The following TBC1D5 variants were observed in gnomAD, a reference collection of about 807,000 sequenced individuals.
TBC1D5 encodes TBC1 domain family, member 5.
TBC1D5 carries 75 observed loss-of-function variants against 100.3 expected under a neutral mutation model. The ratio of observed to expected loss-of-function variants is 0.75; its 90% CI spans 0.62 to 0.91. The LOEUF is 0.91. Ranked by LOEUF, TBC1D5 falls within the 40% of genes least tolerant of loss-of-function variation. The pLI, the probability that TBC1D5 is intolerant of heterozygous loss-of-function variation, is 0.00. For synonymous variants in TBC1D5, 323 were observed against 325.6 expected, an observed-to-expected ratio of 0.99 and a Z score of 0.09; for missense variants, 910 against 942.4, an observed-to-expected ratio of 0.97 and a Z score of 0.45.
chr3:17,225,546 A>G (rs558592191), intron 17 of TBC1D5, among the ~76,000 whole-genome samples: 2 of 152,212 alleles, frequency 1.3e-5, no homozygotes, highest in Non-Finnish European at 2.9e-5. Context: ...TCCCACCTGT[A>G]ATTTCAGCAC....
intron 1 of TBC1D5, among the ~76,000 whole-genome samples, chr3:17,701,082 AATGTCCATCAATGATGGACTGG>A (rs1212079489): frequency 1.2e-4 from 18 of 152,288 alleles, no homozygotes; most frequent in African/African-American, 4.1e-4. Context: ...AACCAACCCA[AATGTCCATCAATGATGGACTGG>A]ATTAAGAAAA....
intron 1 of TBC1D5, among the ~76,000 whole-genome samples, chr3:17,693,996 G>C (rs1358284003): frequency 6.6e-6 from 1 of 152,182 alleles, no homozygotes; most frequent in Non-Finnish European, 1.5e-5. Flanking sequence ...ACCTGCAGCT[G>C]AGGGACCTGA....
intron 1 of TBC1D5, among the ~76,000 whole-genome samples, chr3:17,671,519 G>A (rs981031417): frequency 6.6e-6 from 1 of 152,124 alleles, no homozygotes; most frequent in African/African-American, 2.4e-5. Context: ...AAAAAAAGGT[G>A]GAAAAGTTAA....
At chr3:17,705,932 C>T (rs1045174024) in intron 1 of TBC1D5, 20 of 1,138,796 alleles carry the variant, frequency 1.8e-5, no homozygotes, top group South Asian at 1.6e-4. Context: ...GGGGCCCGTC[C>T]GCTCCTCCAG....
At chr3:17,566,963 A>G (rs919202699) in intron 2 of TBC1D5, among the ~76,000 whole-genome samples, 1 of 151,814 alleles carries the variant, frequency 6.6e-6, no homozygotes, top group Non-Finnish European at 1.5e-5. Context: ...TTTGATATAC[A>G]TAACTAAATC....
intron 1 of TBC1D5, chr3:17,672,640 TGAAAA>T (rs1255629490): frequency 6.6e-6 from 1 of 152,210 alleles, no homozygotes; most frequent in African/African-American, 2.4e-5. Context: ...GGACATCTGT[TGAAAA>T]GAAAAGCATG....
intron 2 of TBC1D5, among the ~76,000 whole-genome samples, chr3:17,534,029 A>T (rs2096259998): frequency 6.6e-6 from 1 of 152,166 alleles, no homozygotes; most frequent in African/African-American, 2.4e-5. Flanking sequence ...GATGTTTTCT[A>T]TAGCAATGAC....
intron 1 of TBC1D5, among the ~76,000 whole-genome samples, chr3:17,678,106 T>G (rs1407154159): frequency 6.6e-6 from 1 of 152,188 alleles, no homozygotes; most frequent in Non-Finnish European, 1.5e-5. Context: ...AACCTGCACG[T>G]TGTGCACATG....
exon 22 of TBC1D5, chr3:17,161,161 G>A (rs1486892275): frequency 5.6e-6 from 9 of 1,614,216 alleles, no homozygotes; most frequent in Non-Finnish European, 4.2e-6. Context: ...GGCCGGAGAA[G>A]GAGCCCCTGG....
chr3:17,554,413 G>A (rs1360589385), intron 2 of TBC1D5, among the ~76,000 whole-genome samples: 4 of 152,222 alleles, frequency 2.6e-5, no homozygotes, highest in Non-Finnish European at 5.9e-5. Flanking sequence ...CTCCTGGGGT[G>A]AAGCTGGTAC....
intron 1 of TBC1D5, among the ~76,000 whole-genome samples, chr3:17,642,101 G>C (rs1267719964): frequency 6.6e-6 from 1 of 152,048 alleles, no homozygotes; most frequent in Non-Finnish European, 1.5e-5. Flanking sequence ...CATCAATTTG[G>C]TTAATAATCT....
In TBC1D5 at chr3:17,668,307, T is replaced by C. The variant is rs926140017; in HGVS notation, c.-100-44394A>G. 4.6e-5 allele frequency among the ~76,000 whole-genome samples: 7 copies of C among 151,922 alleles called. No individual in the cohort carries two copies. In the South Asian group the frequency reaches 1.5e-3, roughly 32 times the overall value. Reference sequence around the variant, plus strand: ...CAGGGAGGGAAGAAAAGTGTTTCAATAAACATTTCCATAACTTAATACCCG... The same window carrying C: ...CAGGGAGGGAAGAAAAGTGTTTCAACAAACATTTCCATAACTTAATACCCG... On this transcript the variant is annotated intron_variant, in intron 1 of 21. Transcript: ENST00000253692.
At chr3:17,598,448 A>C (rs577711127) in intron 2 of TBC1D5, among the ~76,000 whole-genome samples, 1 of 152,210 alleles carries the variant, frequency 6.6e-6, no homozygotes, top group African/African-American at 2.4e-5. Context: ...CTAAATTCTC[A>C]GTTCCAGACT....
chr3:17,273,604 C>T (rs572454780), intron 15 of TBC1D5, among the ~76,000 whole-genome samples: 14 of 152,068 alleles, frequency 9.2e-5, no homozygotes, highest in East Asian at 5.8e-4. Context: ...GTCAGGTGTT[C>T]GAGACCAGCC....
chr3:17,361,256 ATTGGGTAAGAATACTGGATGT>A (rs1171376921), intron 13 of TBC1D5, among the ~76,000 whole-genome samples: 3 of 152,024 alleles, frequency 2.0e-5, no homozygotes, highest in Non-Finnish European at 4.4e-5. Flanking sequence ...TGCCATTTGC[ATTGGGTAAGAATACTGGATGT>A]TTCATTATTA....
chr3:17,579,810 CTG>C lies in TBC1D5; in HGVS notation c.-36+44037_-36+44038del, dbSNP rs368106283. On this transcript the variant is annotated intron_variant, in intron 2 of 21. Transcript: ENST00000253692. ...CAAAACCACAGATAAGAGGGAACTA[CTG>C]TTATCACTACAGAGAGCTGGGAACT... Among the ~76,000 whole-genome samples, 696 of 152,230 alleles carry C rather than the reference CTG, an allele frequency of 4.6e-3. 3 individuals carry two copies. Among genetic ancestry groups the C allele is most frequent in the South Asian group, 0.018 (89 of 4,822 alleles).
chr3:17,710,519 G>A (rs1049771005), intron 1 of TBC1D5, among the ~76,000 whole-genome samples: 1 of 151,740 alleles, frequency 6.6e-6, no homozygotes, highest in Admixed American at 6.6e-5. Context: ...AGCTGAGATC[G>A]TGCCATTGGG....
chr3:17,671,048 G>C (rs1027791303), intron 1 of TBC1D5, among the ~76,000 whole-genome samples: 1 of 152,106 alleles, frequency 6.6e-6, no homozygotes, highest in African/African-American at 2.4e-5. Flanking sequence ...CTTCCTTAGG[G>C]CCAGAATAAA....
chr3:17,206,839 G>A lies in TBC1D5; in HGVS notation c.1752+7368C>T, dbSNP rs148352323. Among the ~76,000 whole-genome samples, 1,349 of 152,274 alleles carry A rather than the reference G, an allele frequency of 8.9e-3. 22 individuals carry two copies. The highest frequency in any genetic ancestry group is 0.03 in the African/African-American group (1,227 of 41,566). ...ATTACAAATCATACCAAAATATCAC[G>A]CAGTTTATCAGGAAATTTACAAAAA... On this transcript the variant is annotated intron_variant, in intron 18 of 21. Transcript: ENST00000253692.
Sources: allele counts gnomAD v4.1 joint callset (sites outside exome capture counted in the v4.1 genomes callset), GRCh38; gene constraint gnomAD v4.1.1; transcripts MANE v1.5; gene names NCBI Gene and HGNC (gene_info 2026-07-23, HGNC 2026-07-21).